DGKG: variants seen among roughly 807,000 people sequenced by gnomAD.
DGKG encodes DAG kinase gamma.
In DGKG, 78 loss-of-function variants were observed where a neutral mutation model predicts 105.3. The ratio of observed to expected loss-of-function variants is 0.74; its 90% CI spans 0.62 to 0.89. DGKG has a LOEUF of 0.89. DGKG is among the 40% of genes least tolerant of loss of function. The pLI, the probability that DGKG is intolerant of heterozygous loss-of-function variation, is 0.00. For synonymous variants in DGKG, 346 were observed against 367.1 expected (o/e 0.94, Z 0.66); for missense variants, 958 against 1,020.1 (o/e 0.94, Z 0.83).
intron 8 of DGKG, 26 bp from the exon 9 acceptor site, chr3:186,279,999 G>A (rs1437996110): frequency 6.2e-7 from 1 of 1,612,820 alleles, no homozygotes; most frequent in Non-Finnish European, 8.5e-7. Flanking sequence ...AGCAATCATT[G>A]TCCATTTTCA....
rs188150681 is a variant in DGKG, at chr3:186,210,048, G to T, written c.1917+1747C>A. 1.3e-5 allele frequency among the ~76,000 whole-genome samples: 2 copies of T among 152,284 alleles called. No individual in the cohort carries two copies. The highest frequency in any genetic ancestry group is 1.3e-4 in the Admixed American group (2 of 15,296). ...AGAGGCCACCAGTGTCTTTAGCAAC[G>T]AGGCCCCCTCTGCGGTTGAGGAAGA... On this transcript the variant is annotated intron_variant, in intron 21 of 24. Coordinates refer to ENST00000265022, the MANE Select transcript of DGKG (RefSeq NM_001346.3). This position sits in a 1 kb window ranked among gnomAD's most constrained non-coding sequence, Gnocchi z 5.2.
intron 22 of DGKG, among the ~76,000 whole-genome samples, chr3:186,185,868 G>T (rs906634445): frequency 1.3e-5 from 2 of 151,730 alleles, no homozygotes; most frequent in Non-Finnish European, 2.9e-5. Flanking sequence ...AGGCTGAGGC[G>T]GGTGGATCAC....
chr3:186,250,557 C>CTTTTTTTTTTTTTTTTTT lies in DGKG; in HGVS notation c.1761+1201_1761+1202insAAAAAAAAAAAAAAAAAA, dbSNP rs10529645. On this transcript the variant is annotated intron_variant, in intron 19 of 24. Transcript: ENST00000265022. ...CAAATAGTTCAATAATTCTGTCATT[C>CTTTTTTTTTTTTTTTTTT]TTTTTTTTTTGAGACAGAGTCTCGC... is the stretch of plus-strand genomic sequence containing the variant. Among the ~76,000 whole-genome samples, 110 of 116,138 alleles carry CTTTTTTTTTTTTTTTTTT rather than the reference C, an allele frequency of 9.5e-4. 8 individuals are homozygous for CTTTTTTTTTTTTTTTTTT. Among genetic ancestry groups the CTTTTTTTTTTTTTTTTTT allele is most frequent in the Middle Eastern group, 5.6e-3 (1 of 180 alleles). 76.2% of individuals were successfully genotyped at this position (116,138 alleles called of 152,430 possible). A position where few individuals can be genotyped will look rare whatever the true frequency, so the allele number is the denominator to read the frequency against.
At chr3:186,355,728 A>G (rs1214294906) in intron 1 of DGKG, among the ~76,000 whole-genome samples, 1 of 147,386 alleles carries the variant, frequency 6.8e-6, no homozygotes, top group African/African-American at 2.5e-5. Flanking sequence ...CACCAGCATC[A>G]CTGTCCTACC....
At chr3:186,276,702 G>A (rs529565262) in intron 9 of DGKG, among the ~76,000 whole-genome samples, 2 of 152,296 alleles carry the variant, frequency 1.3e-5, no homozygotes, top group East Asian at 3.9e-4. Flanking sequence ...GGGGAACACA[G>A]CACAGCTTGA....
At chr3:186,295,325 A>T (rs56897748) in intron 5 of DGKG, among the ~76,000 whole-genome samples, 2 of 151,890 alleles carry the variant, frequency 1.3e-5, no homozygotes, top group African/African-American at 4.8e-5. Flanking sequence ...ACATGGTGAA[A>T]GCCTGTTTCT....
intron 22 of DGKG, among the ~76,000 whole-genome samples, chr3:186,179,440 A>G (rs1423441859): frequency 6.6e-6 from 1 of 152,130 alleles, no homozygotes; most frequent in Non-Finnish European, 1.5e-5. Flanking sequence ...CTGCATTTCT[A>G]TCTGGGTTTG....
At chr3:186,193,267 C>T (rs1485749259) in intron 21 of DGKG, among the ~76,000 whole-genome samples, 1 of 152,236 alleles carries the variant, frequency 6.6e-6, no homozygotes, top group Non-Finnish European at 1.5e-5. Flanking sequence ...AATCTTGGCT[C>T]TGTCACTTGC....
chr3:186,238,238 G>C (rs1334202951), intron 20 of DGKG, among the ~76,000 whole-genome samples: 2 of 139,354 alleles, frequency 1.4e-5, no homozygotes, highest in African/African-American at 5.2e-5. Context: ...AAAGGTTGCA[G>C]TGAGCCAAGA....
chr3:186,293,780 A>T (rs1723418000), intron 5 of DGKG, among the ~76,000 whole-genome samples: 1 of 152,150 alleles, frequency 6.6e-6, no homozygotes, highest in Non-Finnish European at 1.5e-5. Context: ...TTTTCAGCAG[A>T]TGGCCTGATT....
In DGKG at chr3:186,265,278, C is replaced by T; in HGVS notation, c.1238G>A (p.Cys413Tyr). The T allele has an allele frequency of 6.2e-7, 1 of 1,614,254 alleles. No individual in the cohort carries two copies. The highest frequency in any genetic ancestry group is 8.5e-7 in the Non-Finnish European group (1 of 1,180,042). Residue 413 changes from cysteine (C) to tyrosine (Y), a missense_variant, in exon 14 of 25, where the codon TGC (cysteine) becomes TAC (tyrosine). Cys to Tyr is a radical substitution (Grantham distance 194, BLOSUM62 -2). Around this residue, in one of 2 missense-constraint regions of DGKG, gnomAD observed 643 missense variants for 619.5 expected, o/e 1.04. Transcript: ENST00000265022. ...GACAAGTTCGCCCTTGGCGGACACG[C>T]AGCCATCAGACTTCTCACCTGGCCT... Reference protein sequence around the residue: ...RDRPGEKSDGCVSAKGELVMQ... With the variant: ...RDRPGEKSDGYVSAKGELVMQ...
intron 14 of DGKG, among the ~76,000 whole-genome samples, chr3:186,264,522 C>T (rs1721950967): frequency 6.6e-6 from 1 of 152,212 alleles, no homozygotes; most frequent in Admixed American, 6.5e-5. Flanking sequence ...CCTCAGCATC[C>T]CAAACTGCTG....
intron 20 of DGKG, among the ~76,000 whole-genome samples, chr3:186,217,669 A>T (rs1719361753): frequency 6.6e-6 from 1 of 152,212 alleles, no homozygotes; most frequent in African/African-American, 2.4e-5. Flanking sequence ...GACAGCTATG[A>T]ATAGCCTGTT....
chr3:186,150,616 A>G (rs906187230), intron 24 of DGKG, among the ~76,000 whole-genome samples: 1 of 152,182 alleles, frequency 6.6e-6, no homozygotes, highest in South Asian at 2.1e-4. Context: ...GCTCCTGGTC[A>G]TTCCTGCCAA....
chr3:186,302,273 C>A (rs1723955002), intron 3 of DGKG, among the ~76,000 whole-genome samples: 2 of 151,830 alleles, frequency 1.3e-5, no homozygotes, highest in African/African-American at 4.8e-5. Flanking sequence ...CCACAGGGTT[C>A]TTCATAGGTA....
chr3:186,194,417 T>C lies in DGKG; in HGVS notation c.1918-6038A>G, dbSNP rs562732298. 4.9e-4 allele frequency among the ~76,000 whole-genome samples: 75 copies of C among 152,322 alleles called. 1 individual carries two copies. The South Asian group carries it at 5.8e-3, about 12-fold the overall frequency. On this transcript the variant is annotated intron_variant, in intron 21 of 24. Coordinates refer to ENST00000265022, the MANE Select transcript of DGKG (RefSeq NM_001346.3). ...CGCGCCCTCCTTCTCTCCTGCGCCG[T>C]GACCTCAAAAGGGCGGCGGGCGGGG...
chr3:186,347,191 G>A (rs966408966), intron 1 of DGKG, among the ~76,000 whole-genome samples: 6 of 151,918 alleles, frequency 3.9e-5, no homozygotes, highest in African/African-American at 9.7e-5. Context: ...GCTCACCCCC[G>A]TAATCCTAGC....
chr3:186,255,144 C>T (rs1721404690), intron 17 of DGKG, among the ~76,000 whole-genome samples: 2 of 152,176 alleles, frequency 1.3e-5, no homozygotes, highest in Admixed American at 1.3e-4. Flanking sequence ...TTGTTTGTTC[C>T]CTGAATGTAT....
chr3:186,192,624 A>G (rs1578645371), intron 21 of DGKG, among the ~76,000 whole-genome samples: 1 of 152,252 alleles, frequency 6.6e-6, no homozygotes, highest in South Asian at 2.1e-4. Context: ...CTACTCTACA[A>G]GATGGCAGAG....
Sources: allele counts gnomAD v4.1 joint callset (sites outside exome capture counted in the v4.1 genomes callset), GRCh38; gene constraint gnomAD v4.1.1; regional missense constraint gnomAD v4.1.1; non-coding constraint Gnocchi (gnomAD v3.1); transcripts MANE v1.5; gene names NCBI Gene and HGNC (gene_info 2026-07-23, HGNC 2026-07-21).